Variants in DNAI1 observed in about 807,000 individuals in gnomAD.
DNAI1 encodes dynein, axonemal, intermediate polypeptide 1.
Under a neutral mutation model 92.0 loss-of-function variants are expected in DNAI1, and 67 were observed. That is an observed-to-expected ratio of 0.73 (90% confidence interval 0.60 to 0.89). DNAI1 has a LOEUF of 0.89. Among genes scored for constraint, DNAI1 ranks in the 40% least tolerant of loss-of-function variants. The pLI is 0.00. For synonymous variants in DNAI1, 323 were observed against 319.6 expected (o/e 1.01, Z -0.11); for missense variants, 839 against 866.6 (o/e 0.97, Z 0.40).
chr9:34,509,438 A>T (rs970783610), intron 13 of DNAI1, among the ~76,000 whole-genome samples: 1 of 152,178 alleles, frequency 6.6e-6, no homozygotes, highest in Non-Finnish European at 1.5e-5. Context: ...TAAAAAGATG[A>T]GATTAATATT....
rs1197420574 is a variant in DNAI1 at position 34,474,553 on chromosome 9, CT to C, written c.49-8883del. On this transcript the variant is annotated intron_variant, in intron 1 of 19. Transcript: ENST00000242317. ...CACCCAGCCTGAGTTGTGACTATTT[CT>C]TTTTTTTTTTTCCTTTTTTTTTTTT... 2.8e-3 allele frequency among the ~76,000 whole-genome samples: 326 copies of C among 118,326 alleles called. 3 individuals are homozygous for C. Among genetic ancestry groups the C allele is most frequent in the African/African-American group, 7.5e-3 (241 of 32,246 alleles). 77.6% of individuals were successfully genotyped at this position (118,326 alleles called of 152,430 possible). A position where few individuals can be genotyped will look rare whatever the true frequency, so the allele number is the denominator to read the frequency against.
intron 9 of DNAI1, among the ~76,000 whole-genome samples, chr9:34,494,520 G>A (rs571488499): frequency 6.6e-6 from 1 of 152,276 alleles, no homozygotes; most frequent in Admixed American, 6.5e-5. Context: ...CTAGGTCAGG[G>A]TTCACATGAA....
intron 1 of DNAI1, among the ~76,000 whole-genome samples, chr9:34,465,753 T>G (rs1188649558): frequency 6.6e-6 from 1 of 152,262 alleles, no homozygotes; most frequent in Non-Finnish European, 1.5e-5. Context: ...AGGAGTAATG[T>G]TGACTCTCTG....
chr9:34,484,255 T>C lies in DNAI1; in HGVS notation c.81+775T>C, dbSNP rs758082336. Among the ~76,000 whole-genome samples, 33 of 152,322 alleles carry C rather than the reference T, an allele frequency of 2.2e-4. No homozygotes were observed. The Middle Eastern group carries it at 0.017, about 79-fold the overall frequency. On this transcript the variant is annotated intron_variant, in intron 2 of 19. Coordinates refer to ENST00000242317, the MANE Select transcript of DNAI1 (RefSeq NM_012144.4). ...AATAAATAAAAATAAATGTTTTCTT[T>C]TTCACTGTTATTATAAATCCTCTAA...
At chr9:34,486,304 G>A (rs1017695605) in intron 4 of DNAI1, among the ~76,000 whole-genome samples, 2 of 151,824 alleles carry the variant, frequency 1.3e-5, no homozygotes. Flanking sequence ...CCTTTCTTTG[G>A]TACAGGGACT....
At chr9:34,494,906 A>G (rs1409982412) in intron 9 of DNAI1, among the ~76,000 whole-genome samples, 1 of 152,228 alleles carries the variant, frequency 6.6e-6, no homozygotes, top group Admixed American at 6.5e-5. Flanking sequence ...TGTCTGTGCA[A>G]CACAGTGGGA....
At chr9:34,460,885 G>A (rs1163277288) in intron 1 of DNAI1, among the ~76,000 whole-genome samples, 1 of 152,016 alleles carries the variant, frequency 6.6e-6, no homozygotes, top group Non-Finnish European at 1.5e-5. Context: ...CTGTCGCCCA[G>A]GCTGGAGTGC....
At chr9:34,485,641 C>A in intron 4 of DNAI1, 124 bp downstream of exon 4, 1 of 911,682 alleles carries the variant, frequency 1.1e-6, no homozygotes, top group Non-Finnish European at 1.8e-6. Context: ...AGGTCCTTGG[C>A]TAGAATCCTC....
intron 7 of DNAI1, 107 bp downstream of exon 7, chr9:34,490,595 A>C (rs1329955237): frequency 1.2e-5 from 18 of 1,460,084 alleles, no homozygotes; most frequent in Non-Finnish European, 1.7e-5. Context: ...CAGGGGTGAC[A>C]GGACAACAGA....
chr9:34,484,644 G>C (rs1021524407), intron 2 of DNAI1, among the ~76,000 whole-genome samples: 3 of 152,210 alleles, frequency 2.0e-5, no homozygotes, highest in Non-Finnish European at 4.4e-5. Context: ...TTGCTCCAAG[G>C]ACCTAATGGG....
intron 1 of DNAI1, among the ~76,000 whole-genome samples, chr9:34,459,360 T>G (rs1823894946): frequency 6.6e-6 from 1 of 152,064 alleles, no homozygotes; most frequent in Non-Finnish European, 1.5e-5. Context: ...CTCCTTAACT[T>G]CCCCATCCCC....
intron 18 of DNAI1, among the ~76,000 whole-genome samples, chr9:34,516,582 AGCCTCTAACTCCTCCGTTAT>A (rs1317997848): frequency 1.7e-4 from 26 of 152,208 alleles, no homozygotes; most frequent in African/African-American, 6.3e-4. Context: ...AGCCTCTAAG[AGCCTCTAACTCCTCCGTTAT>A]AAAATAAAGA....
At chr9:34,489,222 C>G in intron 4 of DNAI1, 101 bp from the exon 5 acceptor site, 1 of 1,435,050 alleles carries the variant, frequency 7.0e-7, no homozygotes, top group Admixed American at 1.7e-5. Flanking sequence ...TTTCCTTTAA[C>G]AAAGATGGAC....
chr9:34,472,514 G>C (rs1323019613), intron 1 of DNAI1, among the ~76,000 whole-genome samples: 1 of 152,168 alleles, frequency 6.6e-6, no homozygotes, highest in Non-Finnish European at 1.5e-5. Flanking sequence ...TGAGCACTGT[G>C]CTAACACTGC....
intron 9 of DNAI1, among the ~76,000 whole-genome samples, chr9:34,494,972 T>G (rs1824690086): frequency 6.6e-6 from 1 of 152,198 alleles, no homozygotes; most frequent in Non-Finnish European, 1.5e-5. Context: ...GTGACACCCC[T>G]TCCTCAAAGA....
chr9:34,516,707 T>C (rs915770432), intron 18 of DNAI1, among the ~76,000 whole-genome samples: 2 of 151,742 alleles, frequency 1.3e-5, no homozygotes, highest in Non-Finnish European at 2.9e-5. Flanking sequence ...ACATAGTGAG[T>C]GCTCAACAAA....
intron 1 of DNAI1, among the ~76,000 whole-genome samples, chr9:34,479,516 T>A (rs1352085943): frequency 2.0e-5 from 3 of 152,222 alleles, no homozygotes; most frequent in Non-Finnish European, 2.9e-5. Flanking sequence ...ACAATTACAC[T>A]CAAATTGCCT....
intron 8 of DNAI1, among the ~76,000 whole-genome samples, chr9:34,492,493 G>GGTAGATAT (rs1824622327): frequency 1.5e-5 from 1 of 68,268 alleles, no homozygotes; most frequent in African/African-American, 5.1e-5. Context: ...GGGATATGAA[G>GGTAGATAT]ATATATATAT....
In DNAI1 at chr9:34,475,827, A is replaced by G. The variant is rs193084736; in HGVS notation, c.49-7621A>G. On this transcript the variant is annotated intron_variant, in intron 1 of 19. Transcript: ENST00000242317. ...CATGGCTCCATCTGATCACATACTC[A>G]TTTTTAAAATATTATATATTTATGG... 5.6e-4 allele frequency among the ~76,000 whole-genome samples: 86 copies of G among 152,286 alleles called. 1 individual carries two copies. The highest frequency in any genetic ancestry group is 1.4e-3 in the Admixed American group (22 of 15,296).
Sources: gnomAD v4.1 joint callset for allele counts (sites outside exome capture counted in the v4.1 genomes callset) on GRCh38, gnomAD v4.1.1 for gene constraint, MANE v1.5 for transcripts, NCBI Gene and HGNC (gene_info 2026-07-23, HGNC 2026-07-21) for gene names.